Variants in PIK3R5 observed in about 807,000 individuals in gnomAD.
The protein encoded by PIK3R5 is phosphoinositide-3-kinase regulatory subunit 5.
A neutral mutation model predicts 94.9 loss-of-function variants in PIK3R5; 32 were observed. The observed-to-expected ratio is 0.34, with a 90% CI of 0.25 to 0.45. The LOEUF is 0.45. Among genes scored for constraint, PIK3R5 ranks in the 20% least tolerant of loss-of-function variants. PIK3R5 has a pLI of 1.00. For synonymous variants in PIK3R5, 443 were observed against 479.4 expected, an observed-to-expected ratio of 0.92 and a Z score of 0.99; for missense variants, 853 against 1,144.6, an observed-to-expected ratio of 0.75 and a Z score of 3.68.
Position 8,925,018 on chromosome 17 carries a change from GGATAGATA to G in PIK3R5, c.-13-13519_-13-13512del, listed in dbSNP as rs146900729. On this transcript the variant is annotated intron_variant, in intron 1 of 18. Coordinates refer to ENST00000447110, the MANE Select transcript of PIK3R5 (RefSeq NM_001142633.3). This position sits in a 1 kb window ranked among gnomAD's most constrained non-coding sequence, Gnocchi z 5.1. Reference sequence around the variant, plus strand: ...CCAGATAGATAGTTAGATAGTAGATGGATAGATAGATAGATAGTAGATGAATAGATAGA... The same window carrying G: ...CCAGATAGATAGTTAGATAGTAGATGGATAGATAGTAGATGAATAGATAGA... Among the ~76,000 whole-genome samples, 4 of 151,236 alleles carry G rather than the reference GGATAGATA, an allele frequency of 2.6e-5. No homozygotes were observed. The South Asian group carries it at 8.3e-4, about 32-fold the overall frequency.
Position 8,881,571 on chromosome 17 carries a change from A to C in PIK3R5, c.2382+59T>G. 5.3e-6 allele frequency: 7 copies of C among 1,313,664 alleles called. No homozygotes were observed. The highest frequency in any genetic ancestry group is 7.5e-6 in the Non-Finnish European group (7 of 927,742). 81.4% of individuals were successfully genotyped at this position (1,313,664 alleles called of 1,614,324 possible). On this transcript the variant is annotated intron_variant, in intron 17 of 18. Transcript: ENST00000447110. This position sits in a 1 kb window ranked among gnomAD's most constrained non-coding sequence, Gnocchi z 4.8. ...TGCACACACACGTACACACATACGC[A>C]CATGCACGCTCCAGTAAGTCTCTTG...
intron 1 of PIK3R5, among the ~76,000 whole-genome samples, chr17:8,956,561 G>T (rs989796217): frequency 6.6e-6 from 1 of 152,216 alleles, no homozygotes; most frequent in Non-Finnish European, 1.5e-5. Context: ...CAGGACTAGA[G>T]ATTACATCTC....
intron 5 of PIK3R5, among the ~76,000 whole-genome samples, chr17:8,900,153 A>T (rs918089986): frequency 1.3e-5 from 2 of 152,196 alleles, no homozygotes; most frequent in Admixed American, 6.5e-5. Context: ...TTAAAATTGA[A>T]GGTTAACTGG....
intron 5 of PIK3R5, among the ~76,000 whole-genome samples, chr17:8,899,869 C>T (rs552461419): frequency 6.6e-6 from 1 of 152,212 alleles, no homozygotes; most frequent in African/African-American, 2.4e-5. Context: ...GAAACCCCGT[C>T]TCTACTAAAA....
chr17:8,887,579 G>T lies in PIK3R5; in HGVS notation c.1721C>A (p.Pro574His), dbSNP rs758605218. ...GGGTGAGGGCGTCTGGCTCCGAGGG[G>T]GTGGACAGGCACCAGGGCTGGTCCC... The part of the protein sequence containing the change: ...SHGTSPGACP[P>H]PRSQTPSPPT... Residue 574 changes from proline (P) to histidine (H), a missense_variant, in exon 11 of 19, where the codon CCC becomes CAC. This residue lies in a region of PIK3R5 where 319 missense variants were observed against 339.8 expected (regional missense o/e 0.94). Coordinates refer to ENST00000447110, the MANE Select transcript of PIK3R5 (RefSeq NM_001142633.3). 2 of 1,609,388 alleles carry T rather than the reference G, an allele frequency of 1.2e-6. No homozygotes were observed. Among genetic ancestry groups the T allele is most frequent in the African/African-American group, 2.7e-5 (2 of 74,846 alleles).
chr17:8,942,230 C>G (rs1243494804), intron 1 of PIK3R5, among the ~76,000 whole-genome samples: 1 of 152,138 alleles, frequency 6.6e-6, no homozygotes, highest in East Asian at 1.9e-4. Context: ...CTAGTGACCC[C>G]AGGACCTGTG....
intron 3 of PIK3R5, 146 bp downstream of exon 3, chr17:8,908,928 C>T (rs898547765): frequency 1.4e-5 from 8 of 592,094 alleles, no homozygotes; most frequent in East Asian, 8.4e-5. Context: ...CAAGTGCTAC[C>T]GAAACACAAA....
At chr17:8,913,149 AC>A (rs906498746) in intron 1 of PIK3R5, among the ~76,000 whole-genome samples, 5 of 151,796 alleles carry the variant, frequency 3.3e-5, no homozygotes, top group South Asian at 2.1e-4. Context: ...ACAAGTGGGG[AC>A]CCCCCTCCAG....
chr17:8,887,514 G>A lies in PIK3R5; in HGVS notation c.1779+7C>T. 6.2e-7 allele frequency: 1 copy of A among 1,600,972 alleles called. No homozygotes were observed. The highest frequency in any genetic ancestry group is 8.5e-7 in the Non-Finnish European group (1 of 1,173,918). On this transcript the variant is annotated splice_region_variant and intron_variant, in intron 11 of 18. Transcript: ENST00000447110. ...TCCCCGACCATTGGCCCAGGCTGGGGACATACTCCAGGGCTGGCGTGCCTA... is the reference window on the plus strand; with the variant it reads ...TCCCCGACCATTGGCCCAGGCTGGGAACATACTCCAGGGCTGGCGTGCCTA...
Position 8,908,970 on chromosome 17 carries a change from C to T in PIK3R5, c.204+104G>A, listed in dbSNP as rs568921487. The T allele has an allele frequency of 1.1e-5, 8 of 706,982 alleles. No individual in the cohort carries two copies. The South Asian group carries it at 1.4e-4, about 12-fold the overall frequency. The allele number at this position is 706,982 out of a possible 1,614,324, so 43.8% of individuals were successfully genotyped here. A position where few individuals can be genotyped will look rare whatever the true frequency, so the allele number is the denominator to read the frequency against. The stretch of plus-strand genomic sequence containing the variant: ...AGGTTCCCAGGGCCTTTGCCCAGCC[C>T]CTCTGGAGGTCCAGGCACCCAGGAA... On this transcript the variant is annotated intron_variant, in intron 3 of 18. Transcript: ENST00000447110.
At chr17:8,905,320 C>A (rs2090371219) in intron 4 of PIK3R5, among the ~76,000 whole-genome samples, 1 of 53,972 alleles carries the variant, frequency 1.9e-5, no homozygotes, top group Non-Finnish European at 3.7e-5. Context: ...ACATTTGATG[C>A]CCCCCTGTCT....
intron 1 of PIK3R5, among the ~76,000 whole-genome samples, chr17:8,947,270 A>G (rs886918210): frequency 1.3e-5 from 2 of 152,178 alleles, no homozygotes; most frequent in Admixed American, 6.5e-5. Context: ...CGGTCATCTC[A>G]TCTGTTGGAA....
At chr17:8,898,650 C>T (rs935703874) in intron 5 of PIK3R5, among the ~76,000 whole-genome samples, 3 of 152,190 alleles carry the variant, frequency 2.0e-5, no homozygotes, top group African/African-American at 7.2e-5. Context: ...TGGGACCAAC[C>T]TATGACGGTG....
At chr17:8,957,328 T>G (rs2151480176) in intron 1 of PIK3R5, among the ~76,000 whole-genome samples, 2 of 152,322 alleles carry the variant, frequency 1.3e-5, no homozygotes, top group Middle Eastern at 6.8e-3. Flanking sequence ...TTCCTTCTAG[T>G]GAGCTGGAGT....
Position 8,929,959 on chromosome 17 carries a change from C to T in PIK3R5, c.-13-18452G>A, listed in dbSNP as rs542918939. Among the ~76,000 whole-genome samples the T allele has an allele frequency of 2.6e-5, 4 of 152,210 alleles. No individual in the cohort carries two copies. In the South Asian group the frequency reaches 6.2e-4, roughly 24 times the overall value. The stretch of plus-strand genomic sequence containing the variant: ...AAACCACCTGTACCCCAAAAGCGAT[C>T]GAATTTAAAAACAGTAAAAAACAAG... On this transcript the variant is annotated intron_variant, in intron 1 of 18. Transcript: ENST00000447110.
chr17:8,934,534 A>G (rs2091039565), intron 1 of PIK3R5, among the ~76,000 whole-genome samples: 1 of 152,242 alleles, frequency 6.6e-6, no homozygotes, highest in African/African-American at 2.4e-5. Context: ...ATATCTCAGC[A>G]AACTTTAAAA....
chr17:8,958,993 G>A (rs1262372269), intron 1 of PIK3R5, among the ~76,000 whole-genome samples: 1 of 152,042 alleles, frequency 6.6e-6, no homozygotes, highest in Non-Finnish European at 1.5e-5. Flanking sequence ...CCTGACCTCA[G>A]GTGATCTGCC....
At chr17:8,939,573 T>G (rs1301201642) in intron 1 of PIK3R5, among the ~76,000 whole-genome samples, 10 of 152,216 alleles carry the variant, frequency 6.6e-5, no homozygotes, top group Non-Finnish European at 1.3e-4. Flanking sequence ...ATTTGAGGTA[T>G]CTGCAACCTC....
At chr17:8,916,221 C>G (rs2090626500) in intron 1 of PIK3R5, 1 of 152,322 alleles carries the variant, frequency 6.6e-6, no homozygotes, top group Non-Finnish European at 1.5e-5. Flanking sequence ...CCGGGCTCAC[C>G]ACCCACCCCT....
Sources: allele counts gnomAD v4.1 joint callset (sites outside exome capture counted in the v4.1 genomes callset), GRCh38; gene constraint gnomAD v4.1.1; regional missense constraint gnomAD v4.1.1; non-coding constraint Gnocchi (gnomAD v3.1); transcripts MANE v1.5; gene names NCBI Gene and HGNC (gene_info 2026-07-23, HGNC 2026-07-21).